Variants in SLC38A7 observed in about 807,000 individuals in gnomAD.
SLC38A7 encodes the protein solute carrier family 38 member 7.
In SLC38A7, 29 loss-of-function variants were observed where a neutral mutation model predicts 50.1. The observed-to-expected ratio is 0.58, with a 90% CI of 0.43 to 0.79. The LOEUF (loss-of-function observed/expected upper bound fraction) is 0.79, where lower values mean the gene tolerates loss of function less well. Among genes scored for constraint, SLC38A7 ranks in the 30% least tolerant of loss-of-function variants. The probability of loss-of-function intolerance (pLI) is 0.00; values close to 1 mark genes in which losing one functional copy is unlikely to be tolerated. For synonymous variants in SLC38A7, 244 were observed against 245.9 expected (o/e 0.99, Z 0.07); for missense variants, 483 against 610.6 (o/e 0.79, Z 2.20).
intron 7 of SLC38A7, 78 bp downstream of exon 7, chr16:58,676,211 T>C: frequency 6.2e-7 from 1 of 1,600,738 alleles, no homozygotes; most frequent in East Asian, 2.2e-5. Flanking sequence ...CTGCCTGGGT[T>C]CCTCCTCCTT....
chr16:58,677,757 G>A (rs1196253894), intron 5 of SLC38A7, among the ~76,000 whole-genome samples: 1 of 152,198 alleles, frequency 6.6e-6, no homozygotes, highest in Non-Finnish European at 1.5e-5. Flanking sequence ...GGCAGGGGCT[G>A]TGGGAGACCA....
intron 2 of SLC38A7, among the ~76,000 whole-genome samples, chr16:58,682,920 C>T (rs1191852673): frequency 1.3e-5 from 2 of 151,868 alleles, no homozygotes; most frequent in Non-Finnish European, 2.9e-5. Context: ...GCCACCACGC[C>T]TGGCCAACTT....
rs2044456376 is a variant in SLC38A7 at position 58,684,718 on chromosome 16, T to A, written c.-341A>T. On this transcript the variant is annotated splice_region_variant and 5_prime_UTR_variant, in exon 1 of 12. The change creates a new upstream start codon in the 5' untranslated region. Coordinates refer to ENST00000219320, the MANE Select transcript of SLC38A7 (RefSeq NM_018231.3). The stretch of plus-strand genomic sequence containing the variant: ...CAGAGCCTGTCTCCGGCCACCTACC[T>A]TGGGGGATTCTTTCCCGAGCCGGCT... The A allele has an allele frequency of 6.6e-6, 1 of 152,300 alleles. No homozygotes were observed. The highest frequency in any genetic ancestry group is 1.5e-5 in the Non-Finnish European group (1 of 68,112). 9.4% of individuals were successfully genotyped at this position (152,300 alleles called of 1,614,324 possible).
intron 6 of SLC38A7, among the ~76,000 whole-genome samples, chr16:58,676,776 C>A (rs979635076): frequency 6.6e-6 from 1 of 152,090 alleles, no homozygotes. Flanking sequence ...CTCAGCCTCC[C>A]GAGTAGCTGC....
At chr16:58,674,721 A>G (rs370777190) in intron 8 of SLC38A7, among the ~76,000 whole-genome samples, 1 of 152,222 alleles carries the variant, frequency 6.6e-6, no homozygotes, top group East Asian at 1.9e-4. Context: ...GAGCCCCAGG[A>G]GAATAGGGAT....
chr16:58,667,700 CTGAT>C (rs1415888164), intron 11 of SLC38A7, among the ~76,000 whole-genome samples: 2 of 152,032 alleles, frequency 1.3e-5, no homozygotes, highest in African/African-American at 4.8e-5. Flanking sequence ...ATGGGAGTAA[CTGAT>C]TGTTCACATC....
Position 58,676,354 on chromosome 16 carries a change from C to T in SLC38A7, c.711-8G>A, listed in dbSNP as rs1174532490. 1 of 1,614,046 alleles carries T rather than the reference C, an allele frequency of 6.2e-7. No homozygotes were observed. The highest frequency in any genetic ancestry group is 8.5e-7 in the Non-Finnish European group (1 of 1,180,044). Reference sequence around the variant, plus strand: ...GCCATCCAGGAAGCCGGCCTGTGAACAAACACACATGGTGCTGCCACCTGG... The same window carrying T: ...GCCATCCAGGAAGCCGGCCTGTGAATAAACACACATGGTGCTGCCACCTGG... On this transcript the variant is annotated splice_polypyrimidine_tract_variant and splice_region_variant and intron_variant, in intron 6 of 11. Transcript: ENST00000219320.
rs1253752378 is a variant in SLC38A7, at chr16:58,665,305, T to A, written c.*2080A>T. On this transcript the variant is annotated 3_prime_UTR_variant, in exon 12 of 12. Coordinates refer to ENST00000219320, the MANE Select transcript of SLC38A7 (RefSeq NM_018231.3). ...GTGCAATGACTCCACTTACATCCCTTGACCCCCGAAACACGGCACTGGGGG... is the reference window on the plus strand; with the variant it reads ...GTGCAATGACTCCACTTACATCCCTAGACCCCCGAAACACGGCACTGGGGG... 6.6e-6 allele frequency: 1 copy of A among 152,434 alleles called. No homozygotes were observed. The highest frequency in any genetic ancestry group is 1.5e-5 in the Non-Finnish European group (1 of 68,248). The allele number at this position is 152,434 out of a possible 1,614,324, so 9.4% of individuals were successfully genotyped here.
At chr16:58,672,037 C>T (rs1890516429) in intron 9 of SLC38A7, 59 bp downstream of exon 9, 21 of 1,471,538 alleles carry the variant, frequency 1.4e-5, no homozygotes, top group Non-Finnish European at 1.8e-5. Context: ...GGCCAAAGGA[C>T]CATGTTGGAA....
At chr16:58,679,564 TG>T in intron 3 of SLC38A7, 1 of 537,678 alleles carries the variant, frequency 1.9e-6, no homozygotes, top group Non-Finnish European at 3.3e-6. Context: ...TATTTCAGTA[TG>T]TAGTTCTAAA....
rs559273584 is a variant in SLC38A7 at position 58,675,922 on chromosome 16, G to GC, written c.883+17_883+18insG. On this transcript the variant is annotated intron_variant, in intron 8 of 11. Coordinates refer to ENST00000219320, the MANE Select transcript of SLC38A7 (RefSeq NM_018231.3). The stretch of plus-strand genomic sequence containing the variant: ...GAGAGCACTCTAGTCCCAGGTCTTG[G>GC]GGGGGGGGAGCACTCACCTGTCCCC... 4 of 926,806 alleles carry GC rather than the reference G, an allele frequency of 4.3e-6. No homozygotes were observed. The highest frequency in any genetic ancestry group is 2.0e-5 in the South Asian group (1 of 50,690). 57.4% of individuals were successfully genotyped at this position (926,806 alleles called of 1,614,324 possible).
chr16:58,671,838 G>A, intron 9 of SLC38A7: 1 of 348,918 alleles, frequency 2.9e-6, no homozygotes, highest in Non-Finnish European at 5.2e-6. Flanking sequence ...CAAAGTGCTG[G>A]GTTTAGAGAC....
intron 3 of SLC38A7, 94 bp downstream of exon 3, chr16:58,679,763 T>TA (rs752275684): frequency 8.6e-6 from 13 of 1,512,250 alleles, no homozygotes; most frequent in Non-Finnish European, 1.0e-5. Flanking sequence ...GCAGTGCGTG[T>TA]ATCACTTACT....
At chr16:58,682,399 T>C (rs1386959539) in intron 2 of SLC38A7, among the ~76,000 whole-genome samples, 1 of 152,078 alleles carries the variant, frequency 6.6e-6, no homozygotes, top group Non-Finnish European at 1.5e-5. Flanking sequence ...TCCTCATTCC[T>C]GAGTCCCGAT....
chr16:58,680,269 GT>G (rs1177508713), intron 2 of SLC38A7, 28 bp from the exon 3 acceptor site: 88 of 918,454 alleles, frequency 9.6e-5, no homozygotes, highest in Non-Finnish European at 9.2e-5. Context: ...AGGCACTACT[GT>G]TATCCTAAGA....
intron 2 of SLC38A7, chr16:58,681,844 G>A (rs7204148): frequency 0.42 from 63,754 of 151,862 alleles, 14,689 homozygotes; most frequent in African/African-American, 0.6. Flanking sequence ...AAGCAAGCAG[G>A]GAGCAGAACA....
At chr16:58,681,611 G>A (rs961950704) in intron 2 of SLC38A7, 5 of 152,122 alleles carry the variant, frequency 3.3e-5, no homozygotes, top group African/African-American at 9.7e-5. Flanking sequence ...CTGGGTCTCC[G>A]AGTAGGTTCT....
chr16:58,673,314 C>T (rs1193681911), intron 8 of SLC38A7, among the ~76,000 whole-genome samples: 1 of 151,138 alleles, frequency 6.6e-6, no homozygotes, highest in Non-Finnish European at 1.5e-5. Context: ...CAGCTTACTG[C>T]CACCTCTGCC....
intron 9 of SLC38A7, chr16:58,671,755 A>ATCTC: frequency 4.5e-6 from 1 of 222,044 alleles, no homozygotes; most frequent in Non-Finnish European, 9.0e-6. Flanking sequence ...TTTTGTGTAG[A>ATCTC]GATGGGGTCT....
Sources: allele counts gnomAD v4.1 joint callset (sites outside exome capture counted in the v4.1 genomes callset), GRCh38; gene constraint gnomAD v4.1.1; transcripts MANE v1.5; gene names NCBI Gene and HGNC (gene_info 2026-07-23, HGNC 2026-07-21).